LRP8: variants seen among roughly 807,000 people sequenced by gnomAD.
The protein encoded by LRP8 is low-density lipoprotein receptor-related protein 8.
In LRP8, 46 loss-of-function variants were observed where a neutral mutation model predicts 111.6. The observed-to-expected ratio is 0.41, with a 90% CI of 0.33 to 0.53. LRP8 has a LOEUF of 0.53. Among genes scored for constraint, LRP8 ranks in the 20% least tolerant of loss-of-function variants. LRP8 has a pLI of 0.20. For synonymous variants in LRP8, 464 were observed against 511.2 expected, an observed-to-expected ratio of 0.91 and a Z score of 1.24; for missense variants, 959 against 1,297.4, an observed-to-expected ratio of 0.74 and a Z score of 4.01.
rs1217879591 is a variant in LRP8, at chr1:53,257,382, G to A, written c.2292C>T (p.Thr764=). The part of the protein sequence containing the change: ...VPATTRAPGT[T]VHRSTYQNHS... Reference sequence around the variant, plus strand: ...GGTTCTGGTAGGTGGATCTGTGGACGGTGGTCCCGGGGGCTCTTGTGGTGG... The same window carrying A: ...GGTTCTGGTAGGTGGATCTGTGGACAGTGGTCCCGGGGGCTCTTGTGGTGG... Residue 764 remains threonine (T), a synonymous_variant, in exon 15 of 19, where the codon ACC becomes ACT. Transcript: ENST00000306052. The A allele has an allele frequency of 1.9e-6, 3 of 1,614,176 alleles. No homozygotes were observed. Among genetic ancestry groups the A allele is most frequent in the East Asian group, 2.2e-5 (1 of 44,892 alleles).
intron 5 of LRP8, 70 bp downstream of exon 5, chr1:53,276,622 C>T (rs900453801): frequency 2.3e-5 from 30 of 1,297,744 alleles, no homozygotes; most frequent in Non-Finnish European, 2.9e-5. Flanking sequence ...AAGCCTGCAC[C>T]TGGCGGATCC....
Position 53,262,769 on chromosome 1 carries a change from A to G in LRP8, c.1656-205T>C, listed in dbSNP as rs1646393506. On this transcript the variant is annotated intron_variant, in intron 10 of 18. Coordinates refer to ENST00000306052, the MANE Select transcript of LRP8 (RefSeq NM_004631.5). The surrounding 1 kb of genome is among the most constrained non-coding windows in gnomAD (Gnocchi z 4.8). ...CTCATTTGAGAACTTGAGGAAAACT[A>G]TTCTCCGAGATTGCACCCAGACTCA... 6.6e-6 allele frequency among the ~76,000 whole-genome samples: 1 copy of G among 152,192 alleles called. No individual in the cohort carries two copies. The highest frequency in any genetic ancestry group is 6.5e-5 in the Admixed American group (1 of 15,290).
chr1:53,250,744 GTCT>G lies in LRP8; in HGVS notation c.2619_2621del (p.Glu873del), dbSNP rs767664730. ...TTCTCCCTATATGGAGCTCATCTTC[GTCT>G]TCTTCTTCTGTTGTTTTCCTGTAGA... On this transcript the variant is annotated inframe_deletion, in exon 17 of 19. Coordinates refer to ENST00000306052, the MANE Select transcript of LRP8 (RefSeq NM_004631.5). The surrounding 1 kb of genome is among the most constrained non-coding windows in gnomAD (Gnocchi z 4.6). 6.2e-6 allele frequency: 10 copies of G among 1,613,632 alleles called. No homozygotes were observed. The highest frequency in any genetic ancestry group is 2.2e-5 in the South Asian group (2 of 91,078).
chr1:53,260,363 G>A, intron 13 of LRP8, 101 bp downstream of exon 13: 1 of 1,027,130 alleles, frequency 9.7e-7, no homozygotes, highest in Admixed American at 2.1e-5. Flanking sequence ...TCCTGGGGTT[G>A]CTGAGTTGTG....
At chr1:53,320,248 G>T (rs1200333068) in intron 2 of LRP8, among the ~76,000 whole-genome samples, 2 of 152,238 alleles carry the variant, frequency 1.3e-5, no homozygotes, top group Non-Finnish European at 1.5e-5. Context: ...CCAGTCAGGA[G>T]CCCAAAGCCC....
chr1:53,282,954 G>A (rs983454357), intron 3 of LRP8, among the ~76,000 whole-genome samples: 2 of 152,168 alleles, frequency 1.3e-5, no homozygotes, highest in African/African-American at 2.4e-5. Context: ...TCAAGGGAGG[G>A]GGAGGGGAGT....
chr1:53,264,027 G>T, intron 10 of LRP8, 142 bp downstream of exon 10: 1 of 768,376 alleles, frequency 1.3e-6, no homozygotes, highest in Non-Finnish European at 2.1e-6. Context: ...ACCTTGGTTG[G>T]GGATTAACAA....
intron 2 of LRP8, chr1:53,307,451 C>A (rs1188836038): frequency 6.6e-6 from 1 of 152,316 alleles, no homozygotes; most frequent in African/African-American, 2.4e-5. Flanking sequence ...GCATGGACCA[C>A]ACACAGAGGT....
chr1:53,262,010 A>G lies in LRP8; in HGVS notation c.1914+58T>C. Reference sequence around the variant, plus strand: ...TCTCAGGGACTCATCCTATTTGAACAAGCATTTTCTAGGCTTCAGCTTCCT... The same window carrying G: ...TCTCAGGGACTCATCCTATTTGAACGAGCATTTTCTAGGCTTCAGCTTCCT... On this transcript the variant is annotated intron_variant, in intron 12 of 18. Coordinates refer to ENST00000306052, the MANE Select transcript of LRP8 (RefSeq NM_004631.5). The surrounding 1 kb of genome is among the most constrained non-coding windows in gnomAD (Gnocchi z 4.8). 6.3e-7 allele frequency: 1 copy of G among 1,590,678 alleles called. No individual in the cohort carries two copies.
At chr1:53,273,237 C>T (rs576580044) in intron 6 of LRP8, among the ~76,000 whole-genome samples, 5 of 152,236 alleles carry the variant, frequency 3.3e-5, no homozygotes, top group East Asian at 1.9e-4. Context: ...GTAGTATTTG[C>T]GGCTTCCTTC....
chr1:53,316,405 C>G (rs543186110), intron 2 of LRP8, among the ~76,000 whole-genome samples: 4 of 152,194 alleles, frequency 2.6e-5, no homozygotes, highest in Non-Finnish European at 5.9e-5. Flanking sequence ...AAATCAGCCC[C>G]GTCAGAGCTC....
chr1:53,251,143 C>A (rs1437300301), intron 16 of LRP8, among the ~76,000 whole-genome samples: 3 of 152,306 alleles, frequency 2.0e-5, no homozygotes, highest in South Asian at 4.1e-4. Flanking sequence ...CAGTATCTTA[C>A]TTTATGTATC....
intron 13 of LRP8, among the ~76,000 whole-genome samples, chr1:53,258,839 C>G (rs1646214931): frequency 6.6e-6 from 1 of 151,980 alleles, no homozygotes; most frequent in African/African-American, 2.4e-5. Flanking sequence ...CTTAGCTATA[C>G]TCTGTATGCC....
chr1:53,301,039 A>G (rs1650742506), intron 2 of LRP8, among the ~76,000 whole-genome samples: 1 of 151,718 alleles, frequency 6.6e-6, no homozygotes, highest in Non-Finnish European at 1.5e-5. Flanking sequence ...GGTGGGGTGG[A>G]GTGGTGTGGG....
chr1:53,288,793 G>A (rs1648080102), intron 3 of LRP8, among the ~76,000 whole-genome samples: 1 of 152,188 alleles, frequency 6.6e-6, no homozygotes, highest in Non-Finnish European at 1.5e-5. Context: ...GGACTGCTGG[G>A]TCCTTCCCCG....
intron 2 of LRP8, among the ~76,000 whole-genome samples, chr1:53,322,666 G>A (rs1032886242): frequency 3.9e-5 from 6 of 152,140 alleles, no homozygotes; most frequent in Admixed American, 2.6e-4. Flanking sequence ...GGAGTTGCCC[G>A]GTCAGGTGAA....
At chr1:53,311,711 G>A (rs1044905964) in intron 2 of LRP8, among the ~76,000 whole-genome samples, 1 of 152,130 alleles carries the variant, frequency 6.6e-6, no homozygotes, top group Non-Finnish European at 1.5e-5. Flanking sequence ...CATCGACAGA[G>A]TGGGCATAGG....
chr1:53,254,419 C>G (rs929800936), intron 16 of LRP8, among the ~76,000 whole-genome samples: 10 of 151,934 alleles, frequency 6.6e-5, no homozygotes, highest in African/African-American at 2.2e-4. Flanking sequence ...TCAAATATCA[C>G]TTCTGTTAGG....
intron 4 of LRP8, among the ~76,000 whole-genome samples, chr1:53,278,274 C>A (rs1258835639): frequency 6.6e-6 from 1 of 152,176 alleles, no homozygotes; most frequent in East Asian, 1.9e-4. Flanking sequence ...AGGGCAGTGA[C>A]CTCCTCACTT....
Sources: gnomAD v4.1 joint callset for allele counts (sites outside exome capture counted in the v4.1 genomes callset) on GRCh38, gnomAD v4.1.1 for gene constraint, Gnocchi (gnomAD v3.1) non-coding constraint, MANE v1.5 for transcripts, NCBI Gene and HGNC (gene_info 2026-07-23, HGNC 2026-07-21) for gene names.